DLG2: variants seen among roughly 807,000 people sequenced by gnomAD.
DLG2 encodes discs large MAGUK scaffold protein 2.
A neutral mutation model predicts 132.5 loss-of-function variants in DLG2; 45 were observed. The ratio of observed to expected loss-of-function variants is 0.34; its 90% CI spans 0.27 to 0.44. The LOEUF (loss-of-function observed/expected upper bound fraction) is 0.44, where lower values mean the gene tolerates loss of function less well. DLG2 is among the 20% of genes least tolerant of loss of function. The pLI, the probability that DLG2 is intolerant of heterozygous loss-of-function variation, is 1.00. For synonymous variants in DLG2, 424 were observed against 419.6 expected (o/e 1.01, Z -0.13); for missense variants, 1,045 against 1,196.9 (o/e 0.87, Z 1.87).
intron 19 of DLG2, among the ~76,000 whole-genome samples, chr11:83,573,219 C>T (rs1266799291): frequency 6.6e-6 from 1 of 152,030 alleles, no homozygotes; most frequent in East Asian, 1.9e-4. Flanking sequence ...GTGATTTATC[C>T]TATTAAAATG....
At chr11:84,206,440 G>A (rs2096666452) in intron 8 of DLG2, among the ~76,000 whole-genome samples, 1 of 152,004 alleles carries the variant, frequency 6.6e-6, no homozygotes, top group South Asian at 2.1e-4. Context: ...AGAACACAAT[G>A]AGAAAAGCAA....
At chr11:83,537,961 C>G (rs929785223) in intron 20 of DLG2, among the ~76,000 whole-genome samples, 11 of 152,032 alleles carry the variant, frequency 7.2e-5, no homozygotes, top group Non-Finnish European at 1.3e-4. Flanking sequence ...TGAATTCTGC[C>G]TCTTCCACTT....
At position 84,847,718 on chromosome 11, in the gene DLG2, C is replaced by T. The variant is rs2081652783; in HGVS notation, c.357+263943G>A. On this transcript the variant is annotated intron_variant, in intron 6 of 27. Transcript: ENST00000376104. ...ATTAAGTCTCAGAAAAATTTGAGGC[C>T]ATGCCTGATACACTCTTTTGACTGG... is the stretch of plus-strand genomic sequence containing the variant. Among the ~76,000 whole-genome samples, 2 of 152,094 alleles carry T rather than the reference C, an allele frequency of 1.3e-5. 1 individual carries two copies. The highest frequency in any genetic ancestry group is 4.1e-4 in the South Asian group (2 of 4,834).
chr11:84,060,516 A>T (rs2096574737), intron 10 of DLG2, among the ~76,000 whole-genome samples: 1 of 139,316 alleles, frequency 7.2e-6, no homozygotes, highest in Non-Finnish European at 1.5e-5. Context: ...AACCACAACA[A>T]ATTCTACATC....
At chr11:83,739,031 G>A (rs981767646) in intron 18 of DLG2, among the ~76,000 whole-genome samples, 1 of 152,094 alleles carries the variant, frequency 6.6e-6, no homozygotes, top group African/African-American at 2.4e-5. Flanking sequence ...TTATTTATAT[G>A]ATTGTTTTCT....
chr11:85,561,013 C>G (rs1430481476), intron 3 of DLG2, among the ~76,000 whole-genome samples: 1 of 150,308 alleles, frequency 6.7e-6, no homozygotes, highest in Admixed American at 6.7e-5. Flanking sequence ...GCCTGGATGG[C>G]AGAGTAACAA....
At chr11:84,041,930 G>T (rs1292491102) in intron 11 of DLG2, among the ~76,000 whole-genome samples, 1 of 151,842 alleles carries the variant, frequency 6.6e-6, no homozygotes, top group Admixed American at 6.6e-5. Context: ...TTTTAAAACT[G>T]GGAGTTTCCC....
intron 16 of DLG2, among the ~76,000 whole-genome samples, chr11:83,838,502 T>A (rs1372511291): frequency 2.0e-5 from 3 of 152,166 alleles, no homozygotes; most frequent in Non-Finnish European, 4.4e-5. Flanking sequence ...AATCCAAAAG[T>A]CTAGAATACG....
intron 6 of DLG2, among the ~76,000 whole-genome samples, chr11:84,944,986 A>T (rs940523030): frequency 6.6e-6 from 1 of 152,154 alleles, no homozygotes; most frequent in Non-Finnish European, 1.5e-5. Flanking sequence ...GCTATTTTGA[A>T]TTCTTTGTCT....
In DLG2 at chr11:84,352,096, T is replaced by G. The variant is rs932614762; in HGVS notation, c.520-100805A>C. Among the ~76,000 whole-genome samples, 5 of 152,268 alleles carry G rather than the reference T, an allele frequency of 3.3e-5. No individual in the cohort carries two copies. In the East Asian group the frequency reaches 9.7e-4, roughly 29 times the overall value. On this transcript the variant is annotated intron_variant, in intron 7 of 27. Coordinates refer to ENST00000376104, the MANE Select transcript of DLG2 (RefSeq NM_001142699.3). ...GAACCTTTTTAAACAAATGAGGCAA[T>G]GCAGTCTAAGGAAAAAGGAAGATGG...
chr11:84,912,971 C>A lies in DLG2; in HGVS notation c.357+198690G>T, dbSNP rs542089586. Among the ~76,000 whole-genome samples, 16 of 152,216 alleles carry A rather than the reference C, an allele frequency of 1.1e-4. No individual in the cohort carries two copies. In the South Asian group the frequency reaches 3.3e-3, roughly 32 times the overall value. On this transcript the variant is annotated intron_variant, in intron 6 of 27. Transcript: ENST00000376104. Reference sequence around the variant, plus strand: ...AGAGGACAGAGGGAGATTAGGGAAGCCAGTCACAATGTTTCCCGGGGCAAC... The same window carrying A: ...AGAGGACAGAGGGAGATTAGGGAAGACAGTCACAATGTTTCCCGGGGCAAC...
chr11:85,540,672 C>T (rs2075904992), intron 3 of DLG2, among the ~76,000 whole-genome samples: 1 of 152,252 alleles, frequency 6.6e-6, no homozygotes, highest in Non-Finnish European at 1.5e-5. Flanking sequence ...CGGATTAACA[C>T]AAGCTGCCTA....
chr11:85,364,035 G>A (rs1169821452), intron 3 of DLG2, among the ~76,000 whole-genome samples: 1 of 152,154 alleles, frequency 6.6e-6, no homozygotes, highest in Non-Finnish European at 1.5e-5. Context: ...AATTGTATTA[G>A]CAGTTGGTGC....
At chr11:85,247,934 C>A (rs1037441731) in intron 4 of DLG2, among the ~76,000 whole-genome samples, 1 of 152,042 alleles carries the variant, frequency 6.6e-6, no homozygotes, top group Non-Finnish European at 1.5e-5. Flanking sequence ...ATTATCTTGA[C>A]AACATTCATC....
chr11:83,500,722 CCTGTATGTCCCACT>C (rs1185410008), intron 21 of DLG2, among the ~76,000 whole-genome samples: 3 of 151,532 alleles, frequency 2.0e-5, no homozygotes, highest in Non-Finnish European at 4.4e-5. Context: ...TTATTGAATG[CCTGTATGTCCCACT>C]ATGTGTCAAG....
chr11:84,793,796 G>A (rs1010952412), intron 6 of DLG2, among the ~76,000 whole-genome samples: 3 of 152,098 alleles, frequency 2.0e-5, no homozygotes, highest in African/African-American at 7.2e-5. Flanking sequence ...CTTTAGAAAG[G>A]AAGTGTGTTT....
At chr11:85,595,070 A>C (rs2079644843) in intron 3 of DLG2, among the ~76,000 whole-genome samples, 1 of 151,286 alleles carries the variant, frequency 6.6e-6, no homozygotes, top group Non-Finnish European at 1.5e-5. Flanking sequence ...GTCTCAAAAA[A>C]AAAAAAAAAA....
chr11:85,203,176 A>C (rs935716767), intron 4 of DLG2, among the ~76,000 whole-genome samples: 1 of 151,588 alleles, frequency 6.6e-6, no homozygotes, highest in African/African-American at 2.4e-5. Flanking sequence ...TACAACACAA[A>C]AATAAACATC....
At chr11:83,587,520 C>T (rs1358500763) in intron 19 of DLG2, among the ~76,000 whole-genome samples, 1 of 152,176 alleles carries the variant, frequency 6.6e-6, no homozygotes, top group Non-Finnish European at 1.5e-5. Flanking sequence ...ATCTGTTCTC[C>T]TTGGTCTACC....
Sources: gnomAD v4.1 joint callset for allele counts (sites outside exome capture counted in the v4.1 genomes callset) on GRCh38, gnomAD v4.1.1 for gene constraint, MANE v1.5 for transcripts, NCBI Gene and HGNC (gene_info 2026-07-23, HGNC 2026-07-21) for gene names.